Variants in PCCA observed in about 807,000 individuals in gnomAD.
The protein encoded by PCCA is propionyl-CoA carboxylase subunit alpha.
Under a neutral mutation model 101.3 loss-of-function variants are expected in PCCA, and 74 were observed. The ratio of observed to expected loss-of-function variants is 0.73; its 90% confidence interval spans 0.61 to 0.89. The LOEUF (loss-of-function observed/expected upper bound fraction) is 0.89, where lower values mean the gene tolerates loss of function less well. Ranked by LOEUF, PCCA falls within the 40% of genes least tolerant of loss-of-function variation. The probability of loss-of-function intolerance (pLI) is 0.00; values close to 1 mark genes in which losing one functional copy is unlikely to be tolerated. For missense variants in PCCA, 891 were observed against 907.0 expected, an observed-to-expected ratio of 0.98 and a Z score of 0.23; for synonymous variants, 294 against 313.6, an observed-to-expected ratio of 0.94 and a Z score of 0.66.
At chr13:100,282,007 T>G (rs1026945007) in intron 12 of PCCA, among the ~76,000 whole-genome samples, 17 of 152,264 alleles carry the variant, frequency 1.1e-4, no homozygotes, top group African/African-American at 3.9e-4. Flanking sequence ...GTTTTTTGCC[T>G]TTTGATCTTT....
intron 4 of PCCA, among the ~76,000 whole-genome samples, chr13:100,146,574 C>CAA (rs34460515): frequency 1.8e-3 from 172 of 98,038 alleles, no homozygotes; most frequent in African/African-American, 5.7e-3. Context: ...GACTCTGTCT[C>CAA]AAAAAAAAAA....
At chr13:100,468,490 A>G (rs760569853) in intron 21 of PCCA, among the ~76,000 whole-genome samples, 6 of 152,242 alleles carry the variant, frequency 3.9e-5, no homozygotes, top group Non-Finnish European at 7.3e-5. Flanking sequence ...GATCTTAACT[A>G]GACCTTCTGC....
chr13:100,284,592 G>T (rs1367664590), intron 12 of PCCA, among the ~76,000 whole-genome samples: 1 of 152,266 alleles, frequency 6.6e-6, no homozygotes, highest in Non-Finnish European at 1.5e-5. Context: ...TGAACGGTCA[G>T]TGGAGACTAG....
chr13:100,348,787 TCTTCCTTC>T (rs142274622), intron 18 of PCCA, among the ~76,000 whole-genome samples: 1,496 of 46,496 alleles, frequency 0.032, 75 homozygotes, highest in Middle Eastern at 0.062. Context: ...TTTCTTTCTT[TCTTCCTTC>T]CTTCCTTCCT....
chr13:100,390,458 T>G (rs1359972353), intron 19 of PCCA, among the ~76,000 whole-genome samples: 1 of 152,078 alleles, frequency 6.6e-6, no homozygotes, highest in Non-Finnish European at 1.5e-5. Flanking sequence ...TCCAGTAGTA[T>G]AAATGGCAGT....
Position 100,211,803 on chromosome 13 carries a change from T to C in PCCA, c.600+2340T>C, listed in dbSNP as rs114902084. Among the ~76,000 whole-genome samples the C allele has an allele frequency of 7.2e-3, 1,093 of 152,230 alleles. 23 individuals are homozygous for C. Among genetic ancestry groups the C allele is most frequent in the South Asian group, 0.028 (134 of 4,820 alleles). On this transcript the variant is annotated intron_variant, in intron 7 of 23. Transcript: ENST00000376285. Reference sequence around the variant, plus strand: ...TCACCCAGGCTAGAGTGCAGTGGCATAGTCATGGCTCACTGCAACGTCAAC... The same window carrying C: ...TCACCCAGGCTAGAGTGCAGTGGCACAGTCATGGCTCACTGCAACGTCAAC...
intron 18 of PCCA, among the ~76,000 whole-genome samples, chr13:100,365,380 A>G (rs1431474156): frequency 1.3e-5 from 2 of 152,176 alleles, no homozygotes; most frequent in Non-Finnish European, 2.9e-5. Context: ...GTATCTCATC[A>G]CCATCTATAA....
At position 100,442,933 on chromosome 13, in the gene PCCA, T is replaced by C. The variant is rs989959019; in HGVS notation, c.1846-6319T>C. ...CAAGCTTGTTTTGTGTGAAGGCCAGTTGGGGAGAGTGGAACGAGGAAGACA... is the reference window on the plus strand; with the variant it reads ...CAAGCTTGTTTTGTGTGAAGGCCAGCTGGGGAGAGTGGAACGAGGAAGACA... On this transcript the variant is annotated intron_variant, in intron 20 of 23. Coordinates refer to ENST00000376285, the MANE Select transcript of PCCA (RefSeq NM_000282.4). 3.9e-5 allele frequency among the ~76,000 whole-genome samples: 6 copies of C among 151,954 alleles called. No homozygotes were observed. The South Asian group carries it at 6.2e-4, about 16-fold the overall frequency.
intron 17 of PCCA, among the ~76,000 whole-genome samples, chr13:100,333,149 C>CT (rs1221693682): frequency 6.6e-6 from 1 of 152,194 alleles, no homozygotes; most frequent in Non-Finnish European, 1.5e-5. Flanking sequence ...GTTCATTCTT[C>CT]TTTGAGTGGT....
At chr13:100,104,279 C>T (rs1169451363) in intron 2 of PCCA, among the ~76,000 whole-genome samples, 1 of 152,106 alleles carries the variant, frequency 6.6e-6, no homozygotes, top group African/African-American at 2.4e-5. Context: ...AAGAAAGAGT[C>T]TACATATCTT....
intron 6 of PCCA, among the ~76,000 whole-genome samples, chr13:100,178,642 A>C (rs2152425929): frequency 6.6e-6 from 1 of 152,276 alleles, no homozygotes; most frequent in African/African-American, 2.4e-5. Context: ...GCAAATACTA[A>C]GATTTTATTT....
rs1719962694 is a variant in PCCA at position 100,329,977 on chromosome 13, T to C, written c.1430-584T>C. Among the ~76,000 whole-genome samples, 6 of 152,184 alleles carry C rather than the reference T, an allele frequency of 3.9e-5. No homozygotes were observed. In the South Asian group the frequency reaches 1.2e-3, roughly 31 times the overall value. Reference sequence around the variant, plus strand: ...ATTTTTCTCCATAACAACACCCAACTGCACGTCACATAACCAATGCTTAAA... The same window carrying C: ...ATTTTTCTCCATAACAACACCCAACCGCACGTCACATAACCAATGCTTAAA... On this transcript the variant is annotated intron_variant, in intron 16 of 23. Coordinates refer to ENST00000376285, the MANE Select transcript of PCCA (RefSeq NM_000282.4).
rs559132576 is a variant in PCCA at position 100,519,163 on chromosome 13, A to C, written c.2040+3596A>C. On this transcript the variant is annotated intron_variant, in intron 22 of 23. Transcript: ENST00000376285. The stretch of plus-strand genomic sequence containing the variant: ...AATGTTCGTATTCTGCAGTCATCAC[A>C]GATTTGCATCAGAAATACTCATTTA... 1.2e-4 allele frequency among the ~76,000 whole-genome samples: 18 copies of C among 152,364 alleles called. 1 individual carries two copies. The highest frequency in any genetic ancestry group is 4.3e-4 in the African/African-American group (18 of 41,594).
At chr13:100,163,902 C>CT in intron 6 of PCCA, among the ~76,000 whole-genome samples, 1 of 151,276 alleles carries the variant, frequency 6.6e-6, no homozygotes, top group South Asian at 2.1e-4. Flanking sequence ...AGTGTTTTTT[C>CT]TAGGATTGCA....
rs370804857 is a variant in PCCA, at chr13:100,368,619, A to G, written c.1746+45A>G. On this transcript the variant is annotated intron_variant, in intron 19 of 23. Transcript: ENST00000376285. The stretch of plus-strand genomic sequence containing the variant: ...TTTCTTGGTAATCTTGATGTTATCT[A>G]TGAATATTTAAAGCCATTTTTAACC... The G allele has an allele frequency of 7.5e-6, 9 of 1,203,546 alleles. No homozygotes were observed. The African/African-American group carries it at 9.0e-5, about 12-fold the overall frequency. The allele number at this position is 1,203,546 out of a possible 1,614,324, so 74.6% of individuals were successfully genotyped here. A position where few individuals can be genotyped will look rare whatever the true frequency, so the allele number is the denominator to read the frequency against.
At chr13:100,145,403 A>G (rs75959759) in intron 4 of PCCA, among the ~76,000 whole-genome samples, 2 of 152,162 alleles carry the variant, frequency 1.3e-5, no homozygotes, top group African/African-American at 4.8e-5. Context: ...ATCTACAGAC[A>G]TTGCCAACTG....
intron 6 of PCCA, among the ~76,000 whole-genome samples, chr13:100,191,623 ACTTT>A (rs1370777205): frequency 2.6e-5 from 4 of 152,188 alleles, no homozygotes; most frequent in Admixed American, 1.3e-4. Context: ...CTAATTCCTT[ACTTT>A]CTTTTATACA....
At chr13:100,502,994 C>T (rs760924519) in intron 21 of PCCA, among the ~76,000 whole-genome samples, 7 of 152,158 alleles carry the variant, frequency 4.6e-5, no homozygotes, top group Non-Finnish European at 1.0e-4. Context: ...TACAGCTGGA[C>T]CTTCTGATTC....
chr13:100,281,450 C>G (rs1242878757), intron 12 of PCCA, among the ~76,000 whole-genome samples: 1 of 152,116 alleles, frequency 6.6e-6, no homozygotes, highest in African/African-American at 2.4e-5. Flanking sequence ...CTATACTATC[C>G]ACAGTTTCAG....
Sources: gnomAD v4.1 joint callset for allele counts (sites outside exome capture counted in the v4.1 genomes callset) on GRCh38, gnomAD v4.1.1 for gene constraint, MANE v1.5 for transcripts, NCBI Gene and HGNC (gene_info 2026-07-23, HGNC 2026-07-21) for gene names.